Variants in RARRES1 observed in about 807,000 individuals in gnomAD.
RARRES1 encodes retinoic acid receptor responder 1.
RARRES1 carries 34 observed loss-of-function variants against 30.6 expected under a neutral mutation model. The observed-to-expected ratio is 1.11, with a 90% confidence interval of 0.84 to 1.48. RARRES1 has a LOEUF of 1.48. Among genes scored for constraint, RARRES1 ranks in the 40% most tolerant of loss-of-function variants. RARRES1 has a pLI of 0.00. For missense variants in RARRES1, 373 were observed against 386.5 expected, an observed-to-expected ratio of 0.97 and a Z score of 0.29; for synonymous variants, 153 against 155.5, an observed-to-expected ratio of 0.98 and a Z score of 0.12.
chr3:158,730,516 C>T (rs1308351913), intron 1 of RARRES1, among the ~76,000 whole-genome samples: 1 of 151,990 alleles, frequency 6.6e-6, no homozygotes, highest in Non-Finnish European at 1.5e-5. Context: ...ACCTCCAGGT[C>T]CTGGGGTCCT....
intron 4 of RARRES1, among the ~76,000 whole-genome samples, chr3:158,703,206 C>G (rs1726794235): frequency 6.6e-6 from 1 of 152,300 alleles, no homozygotes; most frequent in African/African-American, 2.4e-5. Flanking sequence ...ACTTTGATAT[C>G]TGCCCTCCTA....
chr3:158,712,529 A>T (rs1190573741), intron 2 of RARRES1, among the ~76,000 whole-genome samples: 3 of 152,190 alleles, frequency 2.0e-5, no homozygotes, highest in African/African-American at 7.2e-5. Flanking sequence ...AGTGAGAGGG[A>T]ATTTCAGTAC....
chr3:158,722,145 A>C (rs533312620), intron 1 of RARRES1, among the ~76,000 whole-genome samples: 1 of 151,092 alleles, frequency 6.6e-6, no homozygotes, highest in South Asian at 2.1e-4. Flanking sequence ...AGTTTGGACT[A>C]AAATAATTTT....
Position 158,710,888 on chromosome 3 carries a change from G to A in RARRES1, c.385C>T (p.Arg129Ter), listed in dbSNP as rs372192988. 2.5e-6 allele frequency: 4 copies of A among 1,613,968 alleles called. No homozygotes were observed. Among genetic ancestry groups the A allele is most frequent in the African/African-American group, 1.3e-5 (1 of 74,986 alleles). The change falls in exon 3 of 6, where the codon CGA (arginine) becomes TGA (stop). Residue 129 changes from arginine to a stop codon, truncating the protein, a stop_gained. Coordinates refer to ENST00000237696, the MANE Select transcript of RARRES1 (RefSeq NM_206963.2). LOFTEE classifies it high-confidence loss of function. ...GGTTTCTGATTCTTGAAAAACACTC[G>A]AGCAGAACATTTCCCCAAACGTCCC... ...GEGRLGKCSA[R>*]VFFKNQKPRP...
rs76003527 is a variant in RARRES1, at chr3:158,714,493, C to A, written c.277-634G>T. The stretch of plus-strand genomic sequence containing the variant: ...CAAGCACAGGCGTGAGGTGGAACTT[C>A]AGTCTGCAACAGGATGAATCACCAA... On this transcript the variant is annotated intron_variant, in intron 1 of 5. Coordinates refer to ENST00000237696, the MANE Select transcript of RARRES1 (RefSeq NM_206963.2). Among the ~76,000 whole-genome samples, 1,218 of 152,314 alleles carry A rather than the reference C, an allele frequency of 8.0e-3. 7 individuals are homozygous for A. The highest frequency in any genetic ancestry group is 0.028 in the African/African-American group (1,154 of 41,570).
chr3:158,725,444 T>G (rs1244776767), intron 1 of RARRES1, among the ~76,000 whole-genome samples: 3 of 152,178 alleles, frequency 2.0e-5, no homozygotes, highest in East Asian at 3.9e-4. Flanking sequence ...ACATGCAGTC[T>G]CCAGCAGAAC....
At chr3:158,705,315 C>T (rs1270680161) in intron 3 of RARRES1, among the ~76,000 whole-genome samples, 1 of 152,228 alleles carries the variant, frequency 6.6e-6, no homozygotes, top group Non-Finnish European at 1.5e-5. Flanking sequence ...CAGTCTGCTA[C>T]CAAATCTCTC....
chr3:158,712,249 C>A (rs1317872209), intron 2 of RARRES1, among the ~76,000 whole-genome samples: 1 of 152,094 alleles, frequency 6.6e-6, no homozygotes, highest in South Asian at 2.1e-4. Flanking sequence ...GTGAAAACAA[C>A]TACCAAAAAT....
rs1435864990 is a variant in RARRES1, at chr3:158,700,804, G to A, written c.673-2834C>T. On this transcript the variant is annotated intron_variant, in intron 4 of 5. Transcript: ENST00000237696. ...TGATGATTTGTTGTTACATTTCCTG[G>A]TAACTCAGCACTTAATCTTGTTGCA... 2.6e-5 allele frequency among the ~76,000 whole-genome samples: 4 copies of A among 152,236 alleles called. 1 individual carries two copies. Among genetic ancestry groups the A allele is most frequent in the Middle Eastern group, 6.8e-3 (2 of 294 alleles).
intron 1 of RARRES1, among the ~76,000 whole-genome samples, chr3:158,721,299 G>C (rs1727503709): frequency 6.6e-6 from 1 of 152,178 alleles, no homozygotes; most frequent in Non-Finnish European, 1.5e-5. Flanking sequence ...CTAGAGCAGT[G>C]AGTCTCAAAT....
intron 1 of RARRES1, among the ~76,000 whole-genome samples, chr3:158,731,827 A>G (rs1727897110): frequency 6.6e-6 from 1 of 152,186 alleles, no homozygotes; most frequent in Non-Finnish European, 1.5e-5. Context: ...CTGTTCCTCA[A>G]TTTCCCAAAG....
rs748476565 is a variant in RARRES1, at chr3:158,732,239, C to T, written c.177G>A (p.Leu59=). The T allele has an allele frequency of 7.2e-6, 10 of 1,390,484 alleles. No individual in the cohort carries two copies. In the South Asian group the frequency reaches 9.9e-5, roughly 14 times the overall value. 86.1% of individuals were successfully genotyped at this position (1,390,484 alleles called of 1,614,324 possible). A position where few individuals can be genotyped will look rare whatever the true frequency, so the allele number is the denominator to read the frequency against. The change falls in exon 1 of 6, where the codon CTG becomes CTA. Residue 59 remains leucine, a synonymous_variant. Coordinates refer to ENST00000237696, the MANE Select transcript of RARRES1 (RefSeq NM_206963.2). ...PQDAGVPRRL[L]QQAARAALHF... is the part of the protein sequence containing the mutation. Reference sequence around the variant, plus strand: ...GAAGCGCCGCGCGCGCCGCCTGCTGCAGGAGCCTGCGCGGGACCCCAGCAT... The same window carrying T: ...GAAGCGCCGCGCGCGCCGCCTGCTGTAGGAGCCTGCGCGGGACCCCAGCAT...
At chr3:158,702,287 C>T (rs2108130712) in intron 4 of RARRES1, among the ~76,000 whole-genome samples, 1 of 152,328 alleles carries the variant, frequency 6.6e-6, no homozygotes, top group Admixed American at 6.5e-5. Flanking sequence ...ATCCGCCTGC[C>T]TCAGCCTCCC....
chr3:158,711,090 A>G (rs1727121483), intron 2 of RARRES1, among the ~76,000 whole-genome samples, 157 bp from the exon 3 acceptor site: 1 of 152,172 alleles, frequency 6.6e-6, no homozygotes. Flanking sequence ...TCACAGCTGA[A>G]TACAACAGTC....
At chr3:158,698,890 C>T (rs756543275) in intron 4 of RARRES1, among the ~76,000 whole-genome samples, 1 of 152,076 alleles carries the variant, frequency 6.6e-6, no homozygotes, top group Non-Finnish European at 1.5e-5. Context: ...TCCTGCTTAG[C>T]TCTTTAGAAA....
intron 3 of RARRES1, among the ~76,000 whole-genome samples, chr3:158,710,362 C>T (rs926253192): frequency 6.6e-6 from 1 of 152,128 alleles, no homozygotes; most frequent in African/African-American, 2.4e-5. Context: ...CGCCCACCAC[C>T]ACGCCTGGCT....
At chr3:158,719,821 C>A (rs1414103598) in intron 1 of RARRES1, among the ~76,000 whole-genome samples, 1 of 152,160 alleles carries the variant, frequency 6.6e-6, no homozygotes, top group Non-Finnish European at 1.5e-5. Flanking sequence ...GACCTGAACT[C>A]ATCACACTAG....
intron 1 of RARRES1, 109 bp from the exon 2 acceptor site, chr3:158,713,968 T>C: frequency 1.0e-6 from 1 of 973,056 alleles, no homozygotes; most frequent in East Asian, 2.4e-5. Context: ...GGCTGTAGCA[T>C]TTATACCTGA....
chr3:158,701,771 T>C (rs1726730016), intron 4 of RARRES1, among the ~76,000 whole-genome samples: 1 of 152,202 alleles, frequency 6.6e-6, no homozygotes, highest in African/African-American at 2.4e-5. Flanking sequence ...ATACTTTTCT[T>C]TAAAAGAACT....
Sources: allele counts gnomAD v4.1 joint callset (sites outside exome capture counted in the v4.1 genomes callset), GRCh38; gene constraint gnomAD v4.1.1; transcripts MANE v1.5; gene names NCBI Gene and HGNC (gene_info 2026-07-23, HGNC 2026-07-21).